The following LRCH3 variants were observed in gnomAD, a reference collection of about 807,000 sequenced individuals.
The protein encoded by LRCH3 is DISP complex protein LRCH3.
A neutral mutation model predicts 104.5 loss-of-function variants in LRCH3; 68 were observed. That is an observed-to-expected ratio of 0.65 (90% CI 0.54 to 0.80). The LOEUF (loss-of-function observed/expected upper bound fraction) is 0.80, where lower values mean the gene tolerates loss of function less well. Ranked by LOEUF, LRCH3 falls within the 30% of genes least tolerant of loss-of-function variation. The pLI, the probability that LRCH3 is intolerant of heterozygous loss-of-function variation, is 0.00. For synonymous variants in LRCH3, 344 were observed against 361.3 expected, an observed-to-expected ratio of 0.95 and a Z score of 0.54; for missense variants, 951 against 953.9, an observed-to-expected ratio of 1.00 and a Z score of 0.04.
intron 10 of LRCH3, among the ~76,000 whole-genome samples, chr3:197,846,768 CAA>C (rs1738790908): frequency 6.6e-6 from 1 of 151,952 alleles, no homozygotes; most frequent in African/African-American, 2.4e-5. Flanking sequence ...GTTTCAGACA[CAA>C]AGATGAGTTA....
intron 1 of LRCH3, among the ~76,000 whole-genome samples, chr3:197,792,252 C>T (rs1560510655): frequency 1.3e-5 from 2 of 151,776 alleles, no homozygotes; most frequent in Non-Finnish European, 2.9e-5. Flanking sequence ...GTTTCCTCTT[C>T]CACTCCTCAT....
chr3:197,853,534 TA>T (rs34307264), intron 13 of LRCH3, among the ~76,000 whole-genome samples: 2 of 152,218 alleles, frequency 1.3e-5, no homozygotes, highest in Non-Finnish European at 2.9e-5. Context: ...GAAAAATGCA[TA>T]AAAGCGTTGT....
rs1437056154 is a variant in LRCH3, at chr3:197,885,625, C to T, written c.*1959C>T. On this transcript the variant is annotated 3_prime_UTR_variant, in exon 21 of 21. Transcript: ENST00000425562. Reference sequence around the variant, plus strand: ...AATTCCATCTCAAAAAAAGAAAACGCGCCCCATCTCGCTCCACCACAAGCG... The same window carrying T: ...AATTCCATCTCAAAAAAAGAAAACGTGCCCCATCTCGCTCCACCACAAGCG... 6.6e-6 allele frequency: 1 copy of T among 152,162 alleles called. No individual in the cohort carries two copies. Among genetic ancestry groups the T allele is most frequent in the African/African-American group, 2.4e-5 (1 of 41,376 alleles). 9.4% of individuals were successfully genotyped at this position (152,162 alleles called of 1,614,324 possible).
intron 9 of LRCH3, among the ~76,000 whole-genome samples, chr3:197,836,144 T>G (rs6777606): frequency 0.038 from 5,769 of 152,318 alleles, 350 homozygotes; most frequent in African/African-American, 0.13. Flanking sequence ...GTTGTTTTTA[T>G]TGCTTTTTTA....
intron 4 of LRCH3, among the ~76,000 whole-genome samples, chr3:197,822,586 T>A (rs1220904165): frequency 6.6e-6 from 1 of 152,214 alleles, no homozygotes; most frequent in Non-Finnish European, 1.5e-5. Flanking sequence ...CAGTTTATTT[T>A]ATAATCTCAG....
intron 10 of LRCH3, among the ~76,000 whole-genome samples, chr3:197,846,385 C>CAAA (rs113781589): frequency 0.024 from 1,575 of 66,454 alleles, 78 homozygotes; most frequent in African/African-American, 0.071. Context: ...CCTTGGGCCA[C>CAAA]AAAAAAAAAA....
chr3:197,876,397 A>G (rs1317855514), intron 20 of LRCH3: 1 of 152,210 alleles, frequency 6.6e-6, no homozygotes, highest in African/African-American at 2.4e-5. Flanking sequence ...TGCTATGAGG[A>G]TTTATTGCCT....
chr3:197,880,034 C>T (rs1056840979), intron 20 of LRCH3, among the ~76,000 whole-genome samples: 11 of 151,064 alleles, frequency 7.3e-5, no homozygotes, highest in South Asian at 4.2e-4. Context: ...CAAGCTCCGC[C>T]TCCCGGGTTC....
At chr3:197,831,636 G>T (rs1005498537) in intron 7 of LRCH3, among the ~76,000 whole-genome samples, 1 of 151,816 alleles carries the variant, frequency 6.6e-6, no homozygotes, top group Non-Finnish European at 1.5e-5. Context: ...ATAATTTATG[G>T]AGTCATGAAT....
At chr3:197,859,351 C>T in intron 15 of LRCH3, 1 of 173,554 alleles carries the variant, frequency 5.8e-6, no homozygotes, top group Non-Finnish European at 1.2e-5. Flanking sequence ...TTTACATAGC[C>T]AGTCCCTTTT....
chr3:197,881,073 A>G, intron 20 of LRCH3: 24 of 1,093,654 alleles, frequency 2.2e-5, no homozygotes, highest in Non-Finnish European at 2.5e-5. Flanking sequence ...GTCACACAAT[A>G]CAACTCCCAT....
At chr3:197,830,210 A>G (rs765628453) in intron 6 of LRCH3, among the ~76,000 whole-genome samples, 4 of 152,152 alleles carry the variant, frequency 2.6e-5, no homozygotes, top group Non-Finnish European at 5.9e-5. Context: ...ACAGCCTGTG[A>G]CTTATAAGGT....
At chr3:197,834,977 C>T (rs1226083118) in intron 8 of LRCH3, among the ~76,000 whole-genome samples, 1 of 151,996 alleles carries the variant, frequency 6.6e-6, no homozygotes, top group Non-Finnish European at 1.5e-5. Flanking sequence ...AACCCCGTCT[C>T]TACTAAAAAT....
chr3:197,858,677 A>T, intron 14 of LRCH3, 157 bp from the exon 15 acceptor site: 1 of 665,344 alleles, frequency 1.5e-6, no homozygotes, highest in Middle Eastern at 2.5e-4. Context: ...TTTGTCCCCC[A>T]AATATTCTCT....
rs143613148 is a variant in LRCH3, at chr3:197,853,440, G to A, written c.1590+820G>A. ...CCTGACCTCATAATCCACCTGCCTC[G>A]GCCTCCCAAACTGCTGGAATTACAG... On this transcript the variant is annotated intron_variant, in intron 13 of 20. Transcript: ENST00000425562. 2.2e-3 allele frequency among the ~76,000 whole-genome samples: 332 copies of A among 152,058 alleles called. 1 individual carries two copies. Among genetic ancestry groups the A allele is most frequent in the African/African-American group, 7.7e-3 (318 of 41,460 alleles).
chr3:197,812,628 T>G (rs565786119), intron 1 of LRCH3, among the ~76,000 whole-genome samples: 10 of 151,644 alleles, frequency 6.6e-5, no homozygotes, highest in African/African-American at 2.4e-4. Context: ...GTTTTTAGTT[T>G]TTTGAGAAAC....
At position 197,839,276 on chromosome 3, in the gene LRCH3, C is replaced by G; in HGVS notation, c.1252-45C>G. ...ATGTGAACTGTGTAATCGCAGTGTT[C>G]TGGATTAATATACTAAATTTATTTA... is the stretch of plus-strand genomic sequence containing the variant. On this transcript the variant is annotated intron_variant, in intron 9 of 20. Coordinates refer to ENST00000425562, the MANE Select transcript of LRCH3 (RefSeq NM_001365715.1). 3 of 1,311,902 alleles carry G rather than the reference C, an allele frequency of 2.3e-6. No homozygotes were observed. The South Asian group carries it at 4.1e-5, about 18-fold the overall frequency. 81.3% of individuals were successfully genotyped at this position (1,311,902 alleles called of 1,614,324 possible).
intron 15 of LRCH3, among the ~76,000 whole-genome samples, chr3:197,862,644 A>G (rs1480726782): frequency 6.6e-6 from 1 of 152,050 alleles, no homozygotes; most frequent in African/African-American, 2.4e-5. Flanking sequence ...ACTTATTCAC[A>G]ACCCTGGAAA....
chr3:197,838,160 C>T lies in LRCH3; in HGVS notation c.1252-1161C>T, dbSNP rs933402990. On this transcript the variant is annotated intron_variant, in intron 9 of 20. Transcript: ENST00000425562. Reference sequence around the variant, plus strand: ...TGTAGCTTGGCCTGGTGGCTCCTTCCTGTAGTCTCAGCCACTCGGGAGGCT... The same window carrying T: ...TGTAGCTTGGCCTGGTGGCTCCTTCTTGTAGTCTCAGCCACTCGGGAGGCT... Among the ~76,000 whole-genome samples, 9 of 151,778 alleles carry T rather than the reference C, an allele frequency of 5.9e-5. No homozygotes were observed. The East Asian group carries it at 1.7e-3, about 29-fold the overall frequency.
Sources: gnomAD v4.1 joint callset for allele counts (sites outside exome capture counted in the v4.1 genomes callset) on GRCh38, gnomAD v4.1.1 for gene constraint, MANE v1.5 for transcripts, NCBI Gene and HGNC (gene_info 2026-07-23, HGNC 2026-07-21) for gene names.